Variants in NOS1AP observed in about 807,000 individuals in gnomAD.
NOS1AP encodes the protein carboxyl-terminal PDZ ligand of neuronal nitric oxide synthase protein.
NOS1AP carries 21 observed loss-of-function variants against 56.2 expected under a neutral mutation model. That is an observed-to-expected ratio of 0.37 (90% CI 0.26 to 0.54). The LOEUF (loss-of-function observed/expected upper bound fraction) is 0.54, where lower values mean the gene tolerates loss of function less well. Among genes scored for constraint, NOS1AP ranks in the 20% least tolerant of loss-of-function variants. The pLI, the probability that NOS1AP is intolerant of heterozygous loss-of-function variation, is 0.84. For missense variants in NOS1AP, 522 were observed against 657.8 expected (o/e 0.79, Z 2.26); for synonymous variants, 270 against 274.6 (o/e 0.98, Z 0.17).
At chr1:162,336,432 CT>C (rs369828222) in intron 5 of NOS1AP, among the ~76,000 whole-genome samples, 265 of 152,302 alleles carry the variant, frequency 1.7e-3, no homozygotes, top group African/African-American at 6.1e-3. Flanking sequence ...TCAGAAGTTG[CT>C]TTGTTTTCCA....
At chr1:162,100,404 T>G (rs1050116422) in intron 1 of NOS1AP, among the ~76,000 whole-genome samples, 18 of 152,260 alleles carry the variant, frequency 1.2e-4, no homozygotes, top group Non-Finnish European at 2.6e-4. Flanking sequence ...CATTTTTTCA[T>G]GCGTTTTTTG....
At chr1:162,161,929 T>TA (rs1204233093) in intron 2 of NOS1AP, among the ~76,000 whole-genome samples, 1 of 152,250 alleles carries the variant, frequency 6.6e-6, no homozygotes, top group African/African-American at 2.4e-5. Flanking sequence ...CAGTTGCCTC[T>TA]AGGGCAATTA....
chr1:162,194,596 CT>C (rs1342117440), intron 2 of NOS1AP, among the ~76,000 whole-genome samples: 1 of 152,124 alleles, frequency 6.6e-6, no homozygotes, highest in African/African-American at 2.4e-5. Flanking sequence ...TGAAAATGGT[CT>C]TTTTTTCTTA....
At chr1:162,134,849 A>C (rs1256766190) in intron 1 of NOS1AP, among the ~76,000 whole-genome samples, 1 of 152,168 alleles carries the variant, frequency 6.6e-6, no homozygotes, top group Non-Finnish European at 1.5e-5. Flanking sequence ...ACATGACTTA[A>C]GAGTAGCAAT....
At chr1:162,287,970 T>TG (rs767567410) in intron 3 of NOS1AP, among the ~76,000 whole-genome samples, 121 of 152,188 alleles carry the variant, frequency 8.0e-4, no homozygotes, top group Non-Finnish European at 1.2e-3. Context: ...TGTGCAGGGA[T>TG]GGTGGGGTGT....
chr1:162,278,251 GT>G (rs1654807081), intron 2 of NOS1AP, among the ~76,000 whole-genome samples: 1 of 152,164 alleles, frequency 6.6e-6, no homozygotes, highest in African/African-American at 2.4e-5. Flanking sequence ...ATTGAGTCAT[GT>G]TTAGAGCTGG....
chr1:162,081,732 A>ATATATC (rs1398296143), intron 1 of NOS1AP, among the ~76,000 whole-genome samples: 13 of 119,898 alleles, frequency 1.1e-4, no homozygotes, highest in Admixed American at 3.8e-4. Flanking sequence ...ATCTATATCT[A>ATATATC]TATATCTATA....
chr1:162,337,192 T>C (rs2101799881), intron 5 of NOS1AP, among the ~76,000 whole-genome samples: 1 of 152,348 alleles, frequency 6.6e-6, no homozygotes. Context: ...CGTGAAGTGC[T>C]GGTGATTAAC....
At chr1:162,216,105 TCTC>T (rs1405468550) in intron 2 of NOS1AP, among the ~76,000 whole-genome samples, 1 of 152,154 alleles carries the variant, frequency 6.6e-6, no homozygotes, top group Non-Finnish European at 1.5e-5. Context: ...TCCTCCCCCA[TCTC>T]CTCCCTGTCA....
chr1:162,149,126 T>G (rs1383547345), intron 1 of NOS1AP, among the ~76,000 whole-genome samples: 1 of 152,126 alleles, frequency 6.6e-6, no homozygotes, highest in Non-Finnish European at 1.5e-5. Context: ...TCCATTGCCC[T>G]AGGAACGTGT....
At chr1:162,116,576 C>T (rs187582227) in intron 1 of NOS1AP, among the ~76,000 whole-genome samples, 7 of 152,180 alleles carry the variant, frequency 4.6e-5, no homozygotes, top group Admixed American at 4.6e-4. Context: ...ATGATAGATT[C>T]GTAGTATGTT....
At chr1:162,281,340 A>G (rs554593344) in intron 2 of NOS1AP, among the ~76,000 whole-genome samples, 1 of 152,308 alleles carries the variant, frequency 6.6e-6, no homozygotes, top group East Asian at 1.9e-4. Flanking sequence ...TGTCAACTAT[A>G]TTCATTACTT....
At chr1:162,286,947 G>A (rs1295345624) in intron 2 of NOS1AP, among the ~76,000 whole-genome samples, 1 of 152,200 alleles carries the variant, frequency 6.6e-6, no homozygotes, top group Admixed American at 6.5e-5. Context: ...GGTTCCAGCT[G>A]TTAGTCTTTG....
At chr1:162,143,051 C>G (rs974668294) in intron 1 of NOS1AP, among the ~76,000 whole-genome samples, 3 of 140,890 alleles carry the variant, frequency 2.1e-5, no homozygotes, top group African/African-American at 7.7e-5. Flanking sequence ...TTTTCCTGGT[C>G]GCAACTTGCT....
At chr1:162,104,581 A>G (rs1343340368) in intron 1 of NOS1AP, among the ~76,000 whole-genome samples, 1 of 150,860 alleles carries the variant, frequency 6.6e-6, no homozygotes, top group African/African-American at 2.4e-5. Flanking sequence ...ACATAATCCT[A>G]TATTTCTCGG....
chr1:162,184,385 G>T (rs1042057902), intron 2 of NOS1AP, among the ~76,000 whole-genome samples: 18 of 152,184 alleles, frequency 1.2e-4, no homozygotes, highest in Non-Finnish European at 8.8e-5. Flanking sequence ...GATATGAGGT[G>T]AGCACATGCT....
chr1:162,171,991 C>A (rs1650809466), intron 2 of NOS1AP, among the ~76,000 whole-genome samples: 1 of 152,150 alleles, frequency 6.6e-6, no homozygotes, highest in Non-Finnish European at 1.5e-5. Flanking sequence ...ACTTAGCAGC[C>A]CCAAGGTTGG....
At chr1:162,237,180 C>T (rs1271440485) in intron 2 of NOS1AP, among the ~76,000 whole-genome samples, 1 of 152,182 alleles carries the variant, frequency 6.6e-6, no homozygotes, top group Non-Finnish European at 1.5e-5. Flanking sequence ...AAGTCAAGAT[C>T]CCTCAGGTTA....
intron 9 of NOS1AP, among the ~76,000 whole-genome samples, chr1:162,366,149 C>T (rs780692116): frequency 6.6e-6 from 1 of 152,130 alleles, no homozygotes; most frequent in Non-Finnish European, 1.5e-5. Context: ...CACTCAGTAC[C>T]CCTGGGCTGG....
Sources: gnomAD v4.1 joint callset for allele counts (sites outside exome capture counted in the v4.1 genomes callset) on GRCh38, gnomAD v4.1.1 for gene constraint, MANE v1.5 for transcripts, NCBI Gene and HGNC (gene_info 2026-07-23, HGNC 2026-07-21) for gene names.